Variants in CREBBP observed in about 807,000 individuals in gnomAD.
The protein encoded by CREBBP is CREB-binding protein.
In CREBBP, 19 loss-of-function variants were observed where a neutral mutation model predicts 265.0. The ratio of observed to expected loss-of-function variants is 0.07; its 90% CI spans 0.05 to 0.11. The LOEUF (loss-of-function observed/expected upper bound fraction) is 0.11. Among genes scored for constraint, CREBBP ranks in the 10% least tolerant of loss-of-function variants. The pLI is 1.00. For synonymous variants in CREBBP, 1,457 were observed against 1,223.7 expected (o/e 1.19, Z -3.98); for missense variants, 2,525 against 3,219.0 (o/e 0.78, Z 5.22).
At chr16:3,804,300 T>A (rs769389481) in intron 3 of CREBBP, among the ~76,000 whole-genome samples, 3 of 152,210 alleles carry the variant, frequency 2.0e-5, no homozygotes, top group Non-Finnish European at 4.4e-5. Flanking sequence ...ACATATGTAT[T>A]CTTCAAGAAT....
intron 8 of CREBBP, among the ~76,000 whole-genome samples, chr16:3,780,263 A>C: frequency 6.6e-6 from 1 of 151,162 alleles, no homozygotes; most frequent in Admixed American, 6.6e-5. Context: ...AAAAAAAAAA[A>C]GTTAACTGTT....
chr16:3,858,099 T>C (rs2055000854), intron 1 of CREBBP, among the ~76,000 whole-genome samples: 1 of 152,146 alleles, frequency 6.6e-6, no homozygotes, highest in South Asian at 2.1e-4. Flanking sequence ...TCCTAAACAC[T>C]GAAAGACAAA....
intron 25 of CREBBP, chr16:3,739,332 G>T: frequency 1.9e-6 from 1 of 539,798 alleles, no homozygotes; most frequent in Non-Finnish European, 3.3e-6. Context: ...AGGTTTACCT[G>T]CGTTAGGTAA....
At chr16:3,768,780 C>T (rs943872236) in intron 15 of CREBBP, among the ~76,000 whole-genome samples, 11 of 152,160 alleles carry the variant, frequency 7.2e-5, no homozygotes, top group Admixed American at 5.2e-4. Flanking sequence ...GGGCCAAACA[C>T]ATTTAGAGGC....
intron 16 of CREBBP, among the ~76,000 whole-genome samples, chr16:3,759,554 T>A (rs566189380): frequency 3.3e-4 from 46 of 141,308 alleles, no homozygotes; most frequent in African/African-American, 1.4e-3. Flanking sequence ...GCCACTGCAC[T>A]CCAGCCTGGA....
At chr16:3,733,186 C>T in intron 28 of CREBBP, among the ~76,000 whole-genome samples, 1 of 151,848 alleles carries the variant, frequency 6.6e-6, no homozygotes, top group Non-Finnish European at 1.5e-5. Flanking sequence ...CACGGTGAAA[C>T]TCCGTCTCTA....
intron 1 of CREBBP, among the ~76,000 whole-genome samples, chr16:3,859,190 T>A (rs1330731814): frequency 6.6e-6 from 1 of 152,100 alleles, no homozygotes; most frequent in Non-Finnish European, 1.5e-5. Flanking sequence ...AATAGAATTT[T>A]TATTTTTTAT....
At position 3,773,842 on chromosome 16, in the gene CREBBP, C is replaced by T. The variant is rs779654539; in HGVS notation, c.2372G>A (p.Ser791Asn). The change falls in exon 13 of 31, where the codon AGC (serine) becomes AAC (asparagine). Residue 791 changes from serine (S) to asparagine (N), a missense_variant. Ser to Asn is a conservative substitution (Grantham distance 46, BLOSUM62 1). Coordinates refer to ENST00000262367, the MANE Select transcript of CREBBP (RefSeq NM_004380.3). ...NNMMAQAPAQ[S>N]QFLPQNQFPS... The stretch of plus-strand genomic sequence containing the variant: ...GAACTGGTTCTGTGGCAGAAACTGG[C>T]TCTGAGCGGGCGCCTGGGCCATCAT... 3.7e-6 allele frequency: 6 copies of T among 1,612,700 alleles called. No homozygotes were observed. Among genetic ancestry groups the T allele is most frequent in the South Asian group, 3.3e-5 (3 of 91,016 alleles).
chr16:3,838,840 A>G (rs1183700943), intron 2 of CREBBP, among the ~76,000 whole-genome samples: 1 of 152,192 alleles, frequency 6.6e-6, no homozygotes, highest in African/African-American at 2.4e-5. Flanking sequence ...TGAGCCACCA[A>G]GCTCAACAGC....
At chr16:3,776,904 G>C (rs993821106) in intron 11 of CREBBP, among the ~76,000 whole-genome samples, 1 of 152,124 alleles carries the variant, frequency 6.6e-6, no homozygotes, top group African/African-American at 2.4e-5. Flanking sequence ...TGTAGTCTCA[G>C]CTACTATGGA....
At chr16:3,750,186 AG>A (rs1476883457) in intron 20 of CREBBP, among the ~76,000 whole-genome samples, 1 of 152,176 alleles carries the variant, frequency 6.6e-6, no homozygotes, top group African/African-American at 2.4e-5. Context: ...AATTTTTTGT[AG>A]AGATGGGGTC....
rs555642704 is a variant in CREBBP, at chr16:3,749,040, G to A, written c.3836+587C>T. ...TGGGCGCCTGTAGTCCCAGCTACTC[G>A]GGAGGCTGAGGCAGGAGAATGGCGT... On this transcript the variant is annotated intron_variant, in intron 21 of 30. Transcript: ENST00000262367. Among the ~76,000 whole-genome samples the A allele has an allele frequency of 2.0e-5, 3 of 152,208 alleles. No homozygotes were observed. The South Asian group carries it at 6.2e-4, about 32-fold the overall frequency.
At chr16:3,808,797 A>G (rs1024714621) in intron 3 of CREBBP, among the ~76,000 whole-genome samples, 1 of 152,224 alleles carries the variant, frequency 6.6e-6, no homozygotes, top group African/African-American at 2.4e-5. Flanking sequence ...TTCACTATGA[A>G]GCCAAAATGT....
At chr16:3,832,580 AC>A (rs1329134696) in intron 2 of CREBBP, among the ~76,000 whole-genome samples, 7 of 152,178 alleles carry the variant, frequency 4.6e-5, no homozygotes, top group African/African-American at 1.7e-4. Context: ...CAGGCTACAA[AC>A]CTGTACAGCT....
intron 2 of CREBBP, among the ~76,000 whole-genome samples, chr16:3,849,419 GTGTGTGTGTGTGTGTGTGTGTGTGTGT>G (rs1567359968): frequency 0.014 from 105 of 7,742 alleles, 1 homozygote; most frequent in East Asian, 0.052. Flanking sequence ...GTGTGTGTGT[GTGTGTGTGTGTGTGTGTGTGTGTGTGT>G]GTGTGTGTGT....
Position 3,773,889 on chromosome 16 carries a change from C to T in CREBBP, c.2325G>A (p.Met775Ile), listed in dbSNP as rs1291894863. Reference sequence around the variant, plus strand: ...TCATGTTGTTGGTGTGTGCACCCATCATGTTCGGAGGCTGAGGCATTCGGG... The same window carrying T: ...TCATGTTGTTGGTGTGTGCACCCATTATGTTCGGAGGCTGAGGCATTCGGG... ...SPSRMPQPPN[M>I]MGAHTNNMMA... Residue 775 changes from methionine (M) to isoleucine (I), a missense_variant, in exon 13 of 31, where the codon ATG (methionine) becomes ATA (isoleucine). Met to Ile is a conservative substitution (Grantham distance 10). Around this residue, in one of 19 missense-constraint regions of CREBBP, gnomAD observed 548 missense variants for 533.0 expected, o/e 1.03. Transcript: ENST00000262367. 5 of 1,612,268 alleles carry T rather than the reference C, an allele frequency of 3.1e-6. No homozygotes were observed. The highest frequency in any genetic ancestry group is 2.2e-4 in the Middle Eastern group (1 of 4,494).
intron 13 of CREBBP, 109 bp downstream of exon 13, chr16:3,773,642 G>T: frequency 1.7e-6 from 2 of 1,152,586 alleles, no homozygotes; most frequent in Non-Finnish European, 2.5e-6. Flanking sequence ...GACATGAAAT[G>T]TGCATTCTGG....
rs1263629846 is a variant in CREBBP at position 3,736,236 on chromosome 16, G to A, written c.4561-33C>T. 5 of 1,606,176 alleles carry A rather than the reference G, an allele frequency of 3.1e-6. No homozygotes were observed. The Admixed American group carries it at 5.0e-5, about 16-fold the overall frequency. ...GGCAAAGCACAACAGTGAGATGAGG[G>A]CCATGCACGCGTGCCCCCCACCATG... On this transcript the variant is annotated intron_variant, in intron 27 of 30. Transcript: ENST00000262367.
chr16:3,744,207 C>G (rs1353702711), intron 23 of CREBBP, among the ~76,000 whole-genome samples: 1 of 152,214 alleles, frequency 6.6e-6, no homozygotes, highest in Non-Finnish European at 1.5e-5. Context: ...CAGGCTCCTA[C>G]CGCTCCTGGG....
Sources: allele counts gnomAD v4.1 joint callset (sites outside exome capture counted in the v4.1 genomes callset), GRCh38; gene constraint gnomAD v4.1.1; regional missense constraint gnomAD v4.1.1; transcripts MANE v1.5; gene names NCBI Gene and HGNC (gene_info 2026-07-23, HGNC 2026-07-21).